The following RPS6KL1 variants were observed in gnomAD, a reference collection of about 807,000 sequenced individuals.
The protein encoded by RPS6KL1 is ribosomal protein S6 kinase like 1.
A neutral mutation model predicts 57.0 loss-of-function variants in RPS6KL1; 41 were observed. The observed-to-expected ratio is 0.72, with a 90% CI of 0.56 to 0.93. The LOEUF (loss-of-function observed/expected upper bound fraction) is 0.93, where lower values mean the gene tolerates loss of function less well. RPS6KL1 is among the 40% of genes least tolerant of loss of function. The pLI is 0.00. For missense variants in RPS6KL1, 697 were observed against 727.7 expected (o/e 0.96, Z 0.49); for synonymous variants, 287 against 309.7 (o/e 0.93, Z 0.77).
intron 5 of RPS6KL1, among the ~76,000 whole-genome samples, chr14:74,917,346 G>T (rs1035415133): frequency 7.2e-5 from 11 of 152,246 alleles, no homozygotes; most frequent in African/African-American, 2.2e-4. Flanking sequence ...GCCACCCGGG[G>T]TGGTGCCCAG....
At chr14:74,915,399 C>G (rs1183273695) in intron 5 of RPS6KL1, among the ~76,000 whole-genome samples, 2 of 152,152 alleles carry the variant, frequency 1.3e-5, no homozygotes, top group Non-Finnish European at 2.9e-5. Context: ...TTTCTCTCAC[C>G]TTTTAAAAAA....
chr14:74,904,821 TGA>T lies in RPS6KL1; in HGVS notation c.*2191_*2192del, dbSNP rs1486894508. ...ACCTAGGAGCAGTGGTCAGTGAGCG[TGA>T]GTGTACAGGGTGGGTAGCTAACCTA... On this transcript the variant is annotated 3_prime_UTR_variant, in exon 12 of 12. Transcript: ENST00000557413. The T allele has an allele frequency of 6.6e-6, 1 of 152,088 alleles. No homozygotes were observed. Among genetic ancestry groups the T allele is most frequent in the Non-Finnish European group, 1.5e-5 (1 of 68,008 alleles). 9.4% of individuals were successfully genotyped at this position (152,088 alleles called of 1,614,324 possible).
rs1887358996 is a variant in RPS6KL1 at position 74,919,148 on chromosome 14, C to T, written c.391-543G>A. 2.6e-5 allele frequency among the ~76,000 whole-genome samples: 4 copies of T among 152,238 alleles called. No homozygotes were observed. The South Asian group carries it at 8.3e-4, about 31-fold the overall frequency. ...CAAGATCACGCCACTGCACTCCAGC[C>T]TGGGTGACAAAGCGAGACTCCATCT... On this transcript the variant is annotated intron_variant, in intron 4 of 11. Coordinates refer to ENST00000557413, the MANE Select transcript of RPS6KL1 (RefSeq NM_031464.5).
In RPS6KL1 at chr14:74,921,441, C is replaced by A. The variant is rs767222520; in HGVS notation, c.101G>T (p.Arg34Leu). ...AGGCACTCCCAGAGCCACCCTGTTG[C>A]GAATCTGCTCCAGGTACACGTGAGC... ...SQAHVYLEQI[R>L]NRVALGVPDM... Residue 34 changes from arginine to leucine, a missense_variant, in exon 3 of 12, where the codon CGC becomes CTC. Physicochemically the swap from Arg to Leu is moderately radical, Grantham distance 102. Coordinates refer to ENST00000557413, the MANE Select transcript of RPS6KL1 (RefSeq NM_031464.5). 1 of 1,614,126 alleles carries A rather than the reference C, an allele frequency of 6.2e-7. No homozygotes were observed. Among genetic ancestry groups the A allele is most frequent in the East Asian group, 2.2e-5 (1 of 44,898 alleles).
intron 4 of RPS6KL1, 44 bp from the exon 5 acceptor site, chr14:74,918,649 C>T: frequency 7.0e-7 from 1 of 1,426,808 alleles, no homozygotes; most frequent in Non-Finnish European, 9.5e-7. Flanking sequence ...CAGGGCCGAG[C>T]CCTCCTTGGC....
Position 74,907,042 on chromosome 14 carries a change from GT to G in RPS6KL1, c.1621del (p.Thr541ProfsTer86). ...CCCCACCAGCTTGCTCCATTGGATG[GT>G]ACTGAAAAAGGGATGGGACTTGAGT... ...SKLKSHPFFS[T>X]IQWSKLVG On this transcript the variant is annotated frameshift_variant, in exon 12 of 12. Transcript: ENST00000557413. LOFTEE classifies it high-confidence loss of function. The G allele has an allele frequency of 6.2e-7, 1 of 1,613,362 alleles. No individual in the cohort carries two copies. Among genetic ancestry groups the G allele is most frequent in the Non-Finnish European group, 8.5e-7 (1 of 1,179,670 alleles).
intron 3 of RPS6KL1, 30 bp from the exon 4 acceptor site, chr14:74,919,999 C>T (rs745828423): frequency 2.5e-6 from 4 of 1,613,824 alleles, no homozygotes; most frequent in African/African-American, 1.3e-5. Flanking sequence ...CCAGGGTCCC[C>T]AGCCATGGCC....
At chr14:74,912,701 G>A (rs942959486) in intron 5 of RPS6KL1, among the ~76,000 whole-genome samples, 25 of 152,100 alleles carry the variant, frequency 1.6e-4, no homozygotes, top group African/African-American at 6.0e-4. Context: ...CATGACACAA[G>A]TTTATCTATG....
intron 3 of RPS6KL1, among the ~76,000 whole-genome samples, chr14:74,920,794 CT>C (rs1218507519): frequency 6.6e-6 from 1 of 152,172 alleles, no homozygotes; most frequent in Non-Finnish European, 1.5e-5. Context: ...ACTCATCAGT[CT>C]CCCCCCACTA....
Position 74,908,902 on chromosome 14 carries a change from G to C in RPS6KL1, c.1391C>G (p.Ala464Gly). 6.2e-7 allele frequency: 1 copy of C among 1,613,926 alleles called. No individual in the cohort carries two copies. The change falls in exon 10 of 12, where the codon GCC (alanine) becomes GGC (glycine). Residue 464 changes from alanine (A) to glycine (G), a missense_variant. Coordinates refer to ENST00000557413, the MANE Select transcript of RPS6KL1 (RefSeq NM_031464.5). ...EVGGISELTE[A>G]CDWWSFGSLL... The stretch of plus-strand genomic sequence containing the variant: ...AGACCCAAAGCTCCACCAGTCACAG[G>C]CTTCCGTCAGCTCGGAAATCCCACC...
chr14:74,921,634 C>A (rs941254647), intron 2 of RPS6KL1, 73 bp from the exon 3 acceptor site: 3 of 1,501,326 alleles, frequency 2.0e-6, no homozygotes, highest in Admixed American at 2.0e-5. Context: ...GTTTCCTCCA[C>A]TGAATGTCAG....
chr14:74,923,253 C>G lies in RPS6KL1; in HGVS notation c.-602G>C, dbSNP rs920632503. The G allele has an allele frequency of 2.0e-5, 3 of 152,302 alleles. No individual in the cohort carries two copies. The highest frequency in any genetic ancestry group is 4.4e-5 in the Non-Finnish European group (3 of 68,120). The allele number at this position is 152,302 out of a possible 1,614,324, so 9.4% of individuals were successfully genotyped here. A position where few individuals can be genotyped will look rare whatever the true frequency, so the allele number is the denominator to read the frequency against. ...ACCGGCCCTTCACGCCAGAGCGCGC[C>G]GCGGGCCGCTGCTTTCCGGCATCCA... On this transcript the variant is annotated 5_prime_UTR_variant, in exon 1 of 12. Transcript: ENST00000557413.
At position 74,906,570 on chromosome 14, in the gene RPS6KL1, G is replaced by A; in HGVS notation, c.*444C>T. ...AGGACTAGCCAGGACAGTCTGGTTTGGGTCCACTGAGCCAGTGGATCAGTG... is the reference window on the plus strand; with the variant it reads ...AGGACTAGCCAGGACAGTCTGGTTTAGGTCCACTGAGCCAGTGGATCAGTG... On this transcript the variant is annotated 3_prime_UTR_variant, in exon 12 of 12. Coordinates refer to ENST00000557413, the MANE Select transcript of RPS6KL1 (RefSeq NM_031464.5). 1.9e-6 allele frequency: 1 copy of A among 529,070 alleles called. No individual in the cohort carries two copies. Among genetic ancestry groups the A allele is most frequent in the South Asian group, 1.4e-5 (1 of 69,542 alleles). The allele number at this position is 529,070 out of a possible 1,614,324, so 32.8% of individuals were successfully genotyped here. A position where few individuals can be genotyped will look rare whatever the true frequency, so the allele number is the denominator to read the frequency against.
chr14:74,906,710 A>G lies in RPS6KL1; in HGVS notation c.*304T>C, dbSNP rs1371184251. ...GTCAACAGCTCAGCGCCAGTGCCAC[A>G]GAAGGCAACCTTTAACATGGTGAGT... On this transcript the variant is annotated 3_prime_UTR_variant, in exon 12 of 12. Transcript: ENST00000557413. 3.6e-6 allele frequency: 2 copies of G among 561,526 alleles called. No homozygotes were observed. Among genetic ancestry groups the G allele is most frequent in the East Asian group, 4.4e-5 (1 of 22,700 alleles). 34.8% of individuals were successfully genotyped at this position (561,526 alleles called of 1,614,324 possible). A position where few individuals can be genotyped will look rare whatever the true frequency, so the allele number is the denominator to read the frequency against.
chr14:74,914,903 G>T (rs1262649550), intron 5 of RPS6KL1, among the ~76,000 whole-genome samples: 2 of 152,190 alleles, frequency 1.3e-5, no homozygotes, highest in African/African-American at 4.8e-5. Context: ...GTAGAGACGG[G>T]GTTTCACCAT....
In RPS6KL1 at chr14:74,922,344, T is replaced by C. The variant is rs1461250077; in HGVS notation, c.-387A>G. Reference sequence around the variant, plus strand: ...CTCCTGTGGGAATCTCATTTACCCTTTGGGGTTTAGCACTTCTCCGTGGAC... The same window carrying C: ...CTCCTGTGGGAATCTCATTTACCCTCTGGGGTTTAGCACTTCTCCGTGGAC... On this transcript the variant is annotated 5_prime_UTR_variant, in exon 2 of 12. Transcript: ENST00000557413. 20 of 986,040 alleles carry C rather than the reference T, an allele frequency of 2.0e-5. No individual in the cohort carries two copies. The highest frequency in any genetic ancestry group is 3.5e-5 in the African/African-American group (2 of 57,246). The allele number at this position is 986,040 out of a possible 1,614,324, so 61.1% of individuals were successfully genotyped here. A position where few individuals can be genotyped will look rare whatever the true frequency, so the allele number is the denominator to read the frequency against.
intron 7 of RPS6KL1, chr14:74,910,607 G>C (rs1279528914): frequency 6.4e-6 from 1 of 157,266 alleles, no homozygotes; most frequent in Non-Finnish European, 1.4e-5. Context: ...CATAACTTCA[G>C]TCACCACCAC....
rs147288087 is a variant in RPS6KL1, at chr14:74,912,608, C to T, written c.484-767G>A. ...CTGAGGTGACTCCAGGTCTCCCCAGCGCAGCCATGTTGTGTGGGCTTGGCA... is the reference window on the plus strand; with the variant it reads ...CTGAGGTGACTCCAGGTCTCCCCAGTGCAGCCATGTTGTGTGGGCTTGGCA... On this transcript the variant is annotated intron_variant, in intron 5 of 11. Coordinates refer to ENST00000557413, the MANE Select transcript of RPS6KL1 (RefSeq NM_031464.5). Among the ~76,000 whole-genome samples, 1,211 of 152,268 alleles carry T rather than the reference C, an allele frequency of 8.0e-3. 13 individuals carry two copies. Among genetic ancestry groups the T allele is most frequent in the African/African-American group, 0.028 (1,154 of 41,550 alleles).
In RPS6KL1 at chr14:74,906,409, T is replaced by TGGG. The variant is rs537079155; in HGVS notation, c.*602_*604dup. On this transcript the variant is annotated 3_prime_UTR_variant, in exon 12 of 12. Transcript: ENST00000557413. Reference sequence around the variant, plus strand: ...AGGGGGCATGGTCAGGAATCGGGGGTGGGGGGGTGGGGGTGGGGGTCATCC... The same window carrying TGGG: ...AGGGGGCATGGTCAGGAATCGGGGGTGGGGGGGGGGTGGGGGTGGGGGTCATCC... 47,936 of 160,960 alleles carry TGGG rather than the reference T, an allele frequency of 0.3. 4,256 individuals carry two copies. Among genetic ancestry groups the TGGG allele is most frequent in the South Asian group, 0.36 (11,390 of 31,592 alleles). 10.0% of individuals were successfully genotyped at this position (160,960 alleles called of 1,614,324 possible). A position where few individuals can be genotyped will look rare whatever the true frequency, so the allele number is the denominator to read the frequency against.
Sources: allele counts gnomAD v4.1 joint callset (sites outside exome capture counted in the v4.1 genomes callset), GRCh38; gene constraint gnomAD v4.1.1; transcripts MANE v1.5; gene names NCBI Gene and HGNC (gene_info 2026-07-23, HGNC 2026-07-21).